Variants in CDH4 observed in about 807,000 individuals in gnomAD.
The protein encoded by CDH4 is cadherin-4.
Under a neutral mutation model 86.0 loss-of-function variants are expected in CDH4, and 33 were observed. The ratio of observed to expected loss-of-function variants is 0.38; its 90% CI spans 0.29 to 0.51. The LOEUF is 0.51. Ranked by LOEUF, CDH4 falls within the 20% of genes least tolerant of loss-of-function variation. CDH4 has a pLI of 0.86. For synonymous variants in CDH4, 555 were observed against 549.4 expected, an observed-to-expected ratio of 1.01 and a Z score of -0.14; for missense variants, 1,114 against 1,307.4, an observed-to-expected ratio of 0.85 and a Z score of 2.28.
intron 2 of CDH4, among the ~76,000 whole-genome samples, chr20:61,394,173 TC>T (rs1403024929): frequency 6.6e-6 from 1 of 152,098 alleles, no homozygotes; most frequent in Non-Finnish European, 1.5e-5. Context: ...GGGAACATTT[TC>T]CTCTCTAACC....
chr20:61,379,308 G>A (rs966944669), intron 2 of CDH4, among the ~76,000 whole-genome samples: 1 of 151,994 alleles, frequency 6.6e-6, no homozygotes, highest in South Asian at 2.1e-4. Flanking sequence ...TGAGGTCTTG[G>A]GAATGCTCTG....
intron 2 of CDH4, among the ~76,000 whole-genome samples, chr20:61,732,661 G>A (rs376255769): frequency 6.6e-6 from 1 of 152,222 alleles, no homozygotes; most frequent in African/African-American, 2.4e-5. Context: ...ACCTAGCCAG[G>A]CACGTCCAGC....
rs114350960 is a variant in CDH4, at chr20:61,876,412, C to T, written c.1050+2512C>T. On this transcript the variant is annotated intron_variant, in intron 7 of 15. Coordinates refer to ENST00000614565, the MANE Select transcript of CDH4 (RefSeq NM_001794.5). ...TTCTCTCCCTACTCTATATCGGCCGCGAGAGAGCAACGTCCAATTGGAGAG... is the reference window on the plus strand; with the variant it reads ...TTCTCTCCCTACTCTATATCGGCCGTGAGAGAGCAACGTCCAATTGGAGAG... Among the ~76,000 whole-genome samples, 1,383 of 152,298 alleles carry T rather than the reference C, an allele frequency of 9.1e-3. 23 individuals carry two copies. The highest frequency in any genetic ancestry group is 0.032 in the African/African-American group (1,310 of 41,558).
intron 2 of CDH4, among the ~76,000 whole-genome samples, chr20:61,707,480 G>T (rs777072791): frequency 6.6e-6 from 1 of 152,338 alleles, no homozygotes; most frequent in East Asian, 1.9e-4. Context: ...GGGTGAACGC[G>T]GGATGTGGAC....
chr20:61,901,547 C>T (rs2054727229), intron 8 of CDH4, among the ~76,000 whole-genome samples: 1 of 152,238 alleles, frequency 6.6e-6, no homozygotes, highest in African/African-American at 2.4e-5. Context: ...TCAGGGCCGG[C>T]GCTCAGCTGT....
At chr20:61,452,351 A>G (rs1389840440) in intron 2 of CDH4, among the ~76,000 whole-genome samples, 1 of 152,148 alleles carries the variant, frequency 6.6e-6, no homozygotes, top group Non-Finnish European at 1.5e-5. Flanking sequence ...CTTGATAGAG[A>G]AGAAAAGCCA....
At chr20:61,904,038 T>G (rs923696622) in intron 8 of CDH4, among the ~76,000 whole-genome samples, 6 of 152,150 alleles carry the variant, frequency 3.9e-5, no homozygotes, top group African/African-American at 1.2e-4. Context: ...GGCATCTGAG[T>G]GGCCGCCCCT....
At chr20:61,472,652 C>T (rs2085511577) in intron 2 of CDH4, among the ~76,000 whole-genome samples, 1 of 152,218 alleles carries the variant, frequency 6.6e-6, no homozygotes, top group South Asian at 2.1e-4. Context: ...TTGTCTACCT[C>T]ACAGCTTGAC....
intron 2 of CDH4, among the ~76,000 whole-genome samples, chr20:61,565,060 T>TG (rs1568687892): frequency 2.4e-5 from 3 of 122,868 alleles, no homozygotes; most frequent in Admixed American, 8.3e-5. Flanking sequence ...CTGGTGGTGC[T>TG]CTTGGTGGTG....
intron 4 of CDH4, among the ~76,000 whole-genome samples, chr20:61,774,807 A>G (rs1405436912): frequency 6.6e-6 from 1 of 152,224 alleles, no homozygotes; most frequent in Non-Finnish European, 1.5e-5. Flanking sequence ...TAGTTTGCTA[A>G]GGATGATGGC....
rs572272382 is a variant in CDH4 at position 61,372,029 on chromosome 20, C to A, written c.169+117092C>A. Among the ~76,000 whole-genome samples the A allele has an allele frequency of 5.9e-5, 9 of 152,318 alleles. 1 individual carries two copies. The South Asian group carries it at 1.7e-3, about 28-fold the overall frequency. Reference sequence around the variant, plus strand: ...ACGTGCACATTCCAGGCTTACAGGGCTCTGAATTTGCTTCTGTGTTTGGAT... The same window carrying A: ...ACGTGCACATTCCAGGCTTACAGGGATCTGAATTTGCTTCTGTGTTTGGAT... On this transcript the variant is annotated intron_variant, in intron 2 of 15. Transcript: ENST00000614565.
chr20:61,437,820 T>C (rs901135011), intron 2 of CDH4, among the ~76,000 whole-genome samples: 2 of 152,160 alleles, frequency 1.3e-5, no homozygotes, highest in Admixed American at 1.3e-4. Context: ...TTAGGAAAAT[T>C]CCATGGGGCC....
At chr20:61,831,979 A>G (rs1250251722) in intron 4 of CDH4, among the ~76,000 whole-genome samples, 2 of 151,820 alleles carry the variant, frequency 1.3e-5, no homozygotes, top group Non-Finnish European at 2.9e-5. Context: ...GCCTGCATCC[A>G]CTTCCTCCTT....
intron 2 of CDH4, among the ~76,000 whole-genome samples, chr20:61,652,917 A>AATTTATTT (rs200661197): frequency 9.5e-5 from 12 of 126,598 alleles, no homozygotes; most frequent in South Asian, 2.4e-4. Flanking sequence ...CCAGTGTTTG[A>AATTTATTT]ATTTATTTAT....
At position 61,860,301 on chromosome 20, in the gene CDH4, C is replaced by T. The variant is rs1005826117; in HGVS notation, c.877+7403C>T. Among the ~76,000 whole-genome samples the T allele has an allele frequency of 2.6e-5, 4 of 152,256 alleles. 1 individual carries two copies. Among genetic ancestry groups the T allele is most frequent in the Admixed American group, 2.6e-4 (4 of 15,294 alleles). On this transcript the variant is annotated intron_variant, in intron 6 of 15. Coordinates refer to ENST00000614565, the MANE Select transcript of CDH4 (RefSeq NM_001794.5). ...AGATTCCTCAGAGCACCGAGGTCCA[C>T]GGGGTCCTTGCCTGGTCACCCTGCT...
intron 2 of CDH4, among the ~76,000 whole-genome samples, chr20:61,492,126 GTTA>G (rs2085630076): frequency 6.6e-6 from 1 of 151,750 alleles, no homozygotes; most frequent in Non-Finnish European, 1.5e-5. Flanking sequence ...TGTCGATATT[GTTA>G]ATGTTGGTGG....
chr20:61,325,936 C>G (rs773372894), intron 2 of CDH4, among the ~76,000 whole-genome samples: 2 of 152,168 alleles, frequency 1.3e-5, no homozygotes, highest in Non-Finnish European at 2.9e-5. Flanking sequence ...TGGTCAGTGC[C>G]GTGCCATTCC....
At chr20:61,662,892 C>T (rs1421109162) in intron 2 of CDH4, among the ~76,000 whole-genome samples, 2 of 151,316 alleles carry the variant, frequency 1.3e-5, no homozygotes, top group African/African-American at 2.4e-5. Flanking sequence ...GGCCCAGGAT[C>T]GGGACACAGG....
chr20:61,680,603 C>T (rs1266049064), intron 2 of CDH4, among the ~76,000 whole-genome samples: 1 of 152,180 alleles, frequency 6.6e-6, no homozygotes, highest in African/African-American at 2.4e-5. Flanking sequence ...CCGAGCATCC[C>T]CCGAGGATAG....
Sources: allele counts gnomAD v4.1 joint callset (sites outside exome capture counted in the v4.1 genomes callset), GRCh38; gene constraint gnomAD v4.1.1; transcripts MANE v1.5; gene names NCBI Gene and HGNC (gene_info 2026-07-23, HGNC 2026-07-21).